The following USH2A variants were observed in gnomAD, a reference collection of about 807,000 sequenced individuals.
USH2A encodes the protein Usher syndrome 2A (autosomal recessive, mild).
USH2A carries 443 observed loss-of-function variants against 538.9 expected under a neutral mutation model. The observed-to-expected ratio is 0.82, with a 90% CI of 0.76 to 0.89. The LOEUF (loss-of-function observed/expected upper bound fraction) is 0.89. USH2A is among the 40% of genes least tolerant of loss of function. The probability of loss-of-function intolerance (pLI) is 0.00; values close to 1 mark genes in which losing one functional copy is unlikely to be tolerated. For missense variants in USH2A, 6,633 were observed against 6,324.8 expected (o/e 1.05, Z -1.65); for synonymous variants, 2,413 against 2,273.5 (o/e 1.06, Z -1.75).
chr1:215,927,858 G>C (rs937448684), intron 38 of USH2A, among the ~76,000 whole-genome samples: 8 of 151,974 alleles, frequency 5.3e-5, no homozygotes, highest in African/African-American at 1.9e-4. Flanking sequence ...TACCTCCAGA[G>C]GGTCCTATAT....
chr1:216,198,551 C>A lies in USH2A; in HGVS notation c.3845G>T (p.Arg1282Ile), dbSNP rs1312995898. 1 of 1,613,556 alleles carries A rather than the reference C, an allele frequency of 6.2e-7. No individual in the cohort carries two copies. Among genetic ancestry groups the A allele is most frequent in the East Asian group, 2.2e-5 (1 of 44,794 alleles). Residue 1282 changes from arginine (R) to isoleucine (I), a missense_variant, in exon 18 of 72, where the codon AGA (arginine) becomes ATA (isoleucine). Coordinates refer to ENST00000307340, the MANE Select transcript of USH2A (RefSeq NM_206933.4). ...TGTGGTTTCTTTAGTAGATCTCAGTCTTCTCATGTATAGTTCATATCTTAT... is the reference window on the plus strand; with the variant it reads ...TGTGGTTTCTTTAGTAGATCTCAGTATTCTCATGTATAGTTCATATCTTAT... ...IIIRYELYMR[R>I]LRSTKETTSE...
chr1:216,096,476 A>G (rs1478935530), intron 22 of USH2A, among the ~76,000 whole-genome samples: 1 of 152,220 alleles, frequency 6.6e-6, no homozygotes, highest in African/African-American at 2.4e-5. Context: ...ATCTCAGTTA[A>G]ATATCACATT....
chr1:216,232,288 T>A lies in USH2A; in HGVS notation c.2810-152A>T, dbSNP rs533694105. On this transcript the variant is annotated intron_variant, in intron 13 of 71. Transcript: ENST00000307340. ...TTATATCTGTCCTTCAGTGTGTCAA[T>A]TATGACCAAAGAAAAACTGAGTAAA... 1,877 of 913,204 alleles carry A rather than the reference T, an allele frequency of 2.1e-3. 4 individuals carry two copies. The highest frequency in any genetic ancestry group is 2.6e-3 in the Non-Finnish European group (1,639 of 619,410). 56.6% of individuals were successfully genotyped at this position (913,204 alleles called of 1,614,324 possible).
At chr1:215,937,878 T>C (rs1351525743) in intron 37 of USH2A, among the ~76,000 whole-genome samples, 1 of 151,788 alleles carries the variant, frequency 6.6e-6, no homozygotes, top group Non-Finnish European at 1.5e-5. Context: ...GTTTTTTCCA[T>C]TGCATTTTGC....
At chr1:215,644,386 A>C (rs1278385434) in intron 67 of USH2A, among the ~76,000 whole-genome samples, 3 of 152,180 alleles carry the variant, frequency 2.0e-5, no homozygotes, top group Admixed American at 2.0e-4. Context: ...GGAGGTGACC[A>C]CTGGAGTTTG....
chr1:215,959,395 C>T (rs150037152), intron 37 of USH2A, among the ~76,000 whole-genome samples: 62 of 152,070 alleles, frequency 4.1e-4, no homozygotes, highest in African/African-American at 1.4e-3. Context: ...TTCTTTCTAT[C>T]TTCCATTTCC....
intron 58 of USH2A, among the ~76,000 whole-genome samples, chr1:215,746,357 A>AAATG (rs201591951): frequency 0.015 from 2,255 of 152,292 alleles, 28 homozygotes; most frequent in Non-Finnish European, 0.023. Context: ...GTGTGTCAGA[A>AAATG]AATGAATGAA....
intron 11 of USH2A, among the ~76,000 whole-genome samples, chr1:216,276,437 A>G (rs2036671537): frequency 6.6e-6 from 1 of 152,152 alleles, no homozygotes. Context: ...GACAACGTCC[A>G]GTCCAGGAGA....
chr1:215,704,064 G>A (rs1659111171), intron 61 of USH2A, among the ~76,000 whole-genome samples: 1 of 152,218 alleles, frequency 6.6e-6, no homozygotes, highest in African/African-American at 2.4e-5. Flanking sequence ...TTTGGCTAGG[G>A]GAGGGAGTTC....
At chr1:216,411,418 T>G (rs1024730470) in intron 3 of USH2A, among the ~76,000 whole-genome samples, 7 of 152,094 alleles carry the variant, frequency 4.6e-5, no homozygotes, top group African/African-American at 1.4e-4. Flanking sequence ...TAGTGTCTTT[T>G]TGGATGTAAT....
chr1:215,631,076 C>G (rs985128730), intron 70 of USH2A, among the ~76,000 whole-genome samples: 5 of 152,196 alleles, frequency 3.3e-5, no homozygotes, highest in African/African-American at 1.2e-4. Flanking sequence ...CTTGGCACCT[C>G]TGCCTATTTC....
Position 216,323,515 on chromosome 1 carries a change from T to A in USH2A, c.1509A>T (p.Arg503Ser). 6.2e-7 allele frequency: 1 copy of A among 1,613,488 alleles called. No individual in the cohort carries two copies. The highest frequency in any genetic ancestry group is 8.5e-7 in the Non-Finnish European group (1 of 1,179,702). ...TTTCGTCCACTGCATAATATCTGTG[T>A]CTGAGGTTAACAGCAGTCTCAGTTG... ...YYTTETAVNL[R>S]HRYYAVDEIT... Residue 503 changes from arginine (R) to serine (S), a missense_variant, in exon 8 of 72, where the codon AGA becomes AGT. Transcript: ENST00000307340.
chr1:216,173,945 C>CT (rs2034322142), intron 21 of USH2A: 4 of 979,786 alleles, frequency 4.1e-6, no homozygotes, highest in African/African-American at 1.8e-5. Flanking sequence ...TTTTTCTTTT[C>CT]TTTTTTGCCA....
chr1:216,371,145 A>G (rs2102718046), intron 3 of USH2A, among the ~76,000 whole-genome samples: 1 of 152,362 alleles, frequency 6.6e-6, no homozygotes, highest in South Asian at 2.1e-4. Context: ...ACCCAAAGGT[A>G]TCTCCTTATA....
Position 215,934,701 on chromosome 1 carries a change from A to T in USH2A, c.7215T>A (p.Phe2405Leu). The change falls in exon 38 of 72, where the codon TTT (phenylalanine) becomes TTA (leucine). Residue 2405 changes from phenylalanine (F) to leucine (L), a missense_variant. Physicochemically the swap from Phe to Leu is conservative, Grantham distance 22 (BLOSUM62 0). Coordinates refer to ENST00000307340, the MANE Select transcript of USH2A (RefSeq NM_206933.4). ...TATTCACTTGTACAGTATAGTTGGTAAAAGGAACCAGCCCATCGATGAGCA... is the reference window on the plus strand; with the variant it reads ...TATTCACTTGTACAGTATAGTTGGTTAAAGGAACCAGCCCATCGATGAGCA... ...LWVLIDGLVP[F>L]TNYTVQVNIS... 1 of 1,612,850 alleles carries T rather than the reference A, an allele frequency of 6.2e-7. No homozygotes were observed. Among genetic ancestry groups the T allele is most frequent in the South Asian group, 1.1e-5 (1 of 91,068 alleles).
chr1:215,783,346 T>A (rs964452103), intron 52 of USH2A, among the ~76,000 whole-genome samples: 1 of 152,186 alleles, frequency 6.6e-6, no homozygotes. Flanking sequence ...TGTTACTTTG[T>A]TAATATTACT....
intron 41 of USH2A, among the ~76,000 whole-genome samples, chr1:215,884,445 C>T (rs966207447): frequency 1.3e-5 from 2 of 152,046 alleles, no homozygotes; most frequent in African/African-American, 4.8e-5. Context: ...AACCCTATTG[C>T]CTGGGTGTGA....
chr1:215,890,948 A>T (rs1665193361), intron 40 of USH2A, among the ~76,000 whole-genome samples: 2 of 152,190 alleles, frequency 1.3e-5, no homozygotes, highest in African/African-American at 4.8e-5. Context: ...CTTAAAAATC[A>T]GAATATTTTT....
intron 60 of USH2A, among the ~76,000 whole-genome samples, chr1:215,740,407 T>C (rs1660268617): frequency 6.6e-6 from 1 of 152,126 alleles, no homozygotes; most frequent in Non-Finnish European, 1.5e-5. Flanking sequence ...TTTTCCTCAA[T>C]CTTTCTCTTC....
Sources: gnomAD v4.1 joint callset for allele counts (sites outside exome capture counted in the v4.1 genomes callset) on GRCh38, gnomAD v4.1.1 for gene constraint, MANE v1.5 for transcripts, NCBI Gene and HGNC (gene_info 2026-07-23, HGNC 2026-07-21) for gene names.